Variants in HIPK2 observed in about 807,000 individuals in gnomAD.
HIPK2 encodes the protein homeodomain interacting protein kinase 2.
HIPK2 carries 27 observed loss-of-function variants against 113.7 expected under a neutral mutation model. The ratio of observed to expected loss-of-function variants is 0.24; its 90% CI spans 0.17 to 0.33. The LOEUF is 0.33. Among genes scored for constraint, HIPK2 ranks in the 10% least tolerant of loss-of-function variants. HIPK2 has a pLI of 1.00. For missense variants in HIPK2, 1,257 were observed against 1,588.0 expected, an observed-to-expected ratio of 0.79 and a Z score of 3.54; for synonymous variants, 631 against 642.2, an observed-to-expected ratio of 0.98 and a Z score of 0.26.
chr7:139,608,590 G>A (rs1382991831), intron 9 of HIPK2, among the ~76,000 whole-genome samples: 1 of 152,124 alleles, frequency 6.6e-6, no homozygotes, highest in Admixed American at 6.6e-5. Context: ...CCATCTGAAT[G>A]TGGGCAACCT....
intron 7 of HIPK2, among the ~76,000 whole-genome samples, chr7:139,619,894 G>C (rs1569455932): frequency 6.6e-6 from 1 of 152,084 alleles, no homozygotes; most frequent in East Asian, 1.9e-4. Context: ...CTGAGTAGCT[G>C]AGACTATAGG....
rs927098211 is a variant in HIPK2, at chr7:139,566,750, A to T, written c.*6177T>A. On this transcript the variant is annotated 3_prime_UTR_variant, in exon 15 of 15. Transcript: ENST00000406875. This position sits in a 1 kb window ranked among gnomAD's most constrained non-coding sequence, Gnocchi z 4.1. ...CCGGGAGTCATGAAAGCATTCAACAAATGTTGGCTATTATTTACTTGAGAG... is the reference window on the plus strand; with the variant it reads ...CCGGGAGTCATGAAAGCATTCAACATATGTTGGCTATTATTTACTTGAGAG... 2.0e-5 allele frequency: 3 copies of T among 152,208 alleles called. No individual in the cohort carries two copies. The highest frequency in any genetic ancestry group is 4.8e-5 in the African/African-American group (2 of 41,452). 9.4% of individuals were successfully genotyped at this position (152,208 alleles called of 1,614,324 possible).
At chr7:139,596,630 A>G (rs975807117) in intron 12 of HIPK2, 87 bp downstream of exon 12, 4 of 1,519,954 alleles carry the variant, frequency 2.6e-6, no homozygotes, top group Admixed American at 3.5e-5. Flanking sequence ...AGGGATCCTT[A>G]TGTTTGATGA....
intron 12 of HIPK2, among the ~76,000 whole-genome samples, chr7:139,592,491 C>T (rs915494650): frequency 3.3e-5 from 5 of 152,316 alleles, no homozygotes; most frequent in African/African-American, 9.6e-5. Flanking sequence ...AATCCCAGCA[C>T]TTTGGGAGGC....
At chr7:139,589,298 G>GA (rs1798938554) in intron 12 of HIPK2, among the ~76,000 whole-genome samples, 1 of 151,948 alleles carries the variant, frequency 6.6e-6, no homozygotes, top group African/African-American at 2.4e-5. Flanking sequence ...ATCTGGAGAG[G>GA]AAAGAGATCC....
chr7:139,630,680 G>A lies in HIPK2; in HGVS notation c.1347+485C>T, dbSNP rs551501641. On this transcript the variant is annotated intron_variant, in intron 4 of 14. Transcript: ENST00000406875. The surrounding 1 kb of genome is among the most constrained non-coding windows in gnomAD (Gnocchi z 4.0). ...CCCGAAGTGCTGGGATTACAGGCGT[G>A]AGCCACCACGCTCCCTCTTCATTCT... Among the ~76,000 whole-genome samples the A allele has an allele frequency of 7.9e-5, 12 of 152,338 alleles. No individual in the cohort carries two copies. The highest frequency in any genetic ancestry group is 6.2e-4 in the South Asian group (3 of 4,826).
intron 2 of HIPK2, among the ~76,000 whole-genome samples, chr7:139,681,245 T>C (rs190813237): frequency 6.6e-6 from 1 of 152,354 alleles, no homozygotes; most frequent in East Asian, 1.9e-4. Context: ...TTTTAGCTTT[T>C]CATTCTTTTT....
At chr7:139,688,227 G>A (rs899465654) in intron 2 of HIPK2, among the ~76,000 whole-genome samples, 26 of 152,214 alleles carry the variant, frequency 1.7e-4, no homozygotes, top group Non-Finnish European at 7.3e-5. Flanking sequence ...TCGTGACCAC[G>A]TGAATCTGGA....
intron 10 of HIPK2, among the ~76,000 whole-genome samples, chr7:139,603,459 G>T (rs1460266747): frequency 6.6e-6 from 1 of 152,168 alleles, no homozygotes; most frequent in Non-Finnish European, 1.5e-5. Flanking sequence ...GGAAACAGAT[G>T]CAGGGGGTAT....
intron 2 of HIPK2, among the ~76,000 whole-genome samples, chr7:139,658,525 AG>A (rs1278272821): frequency 6.6e-6 from 1 of 152,218 alleles, no homozygotes; most frequent in Non-Finnish European, 1.5e-5. Context: ...GGAAAGCGAA[AG>A]CAAAATTTTC....
intron 2 of HIPK2, among the ~76,000 whole-genome samples, chr7:139,667,072 A>AC (rs1267670556): frequency 2.0e-5 from 3 of 151,958 alleles, no homozygotes; most frequent in African/African-American, 4.8e-5. Flanking sequence ...CTTAAAAAAA[A>AC]AAAACAAAAC....
intron 1 of HIPK2, among the ~76,000 whole-genome samples, chr7:139,772,172 T>C (rs548531089): frequency 1.3e-5 from 2 of 152,332 alleles, no homozygotes; most frequent in Admixed American, 6.5e-5. Context: ...AATGATCTGC[T>C]CTGGGTAAGT....
At chr7:139,605,009 C>G (rs1247185772) in intron 9 of HIPK2, among the ~76,000 whole-genome samples, 1 of 152,142 alleles carries the variant, frequency 6.6e-6, no homozygotes, top group Non-Finnish European at 1.5e-5. Flanking sequence ...CTTGTGTTAT[C>G]TTCTGAATCT....
chr7:139,725,255 G>A (rs1007959717), intron 1 of HIPK2, among the ~76,000 whole-genome samples: 1 of 152,196 alleles, frequency 6.6e-6, no homozygotes, highest in African/African-American at 2.4e-5. Flanking sequence ...AGAGGCAGGA[G>A]TCACTATGCA....
At chr7:139,625,424 C>T (rs1800393249) in intron 6 of HIPK2, among the ~76,000 whole-genome samples, 5 of 152,232 alleles carry the variant, frequency 3.3e-5, no homozygotes, top group Admixed American at 2.6e-4. Context: ...ACAGATCTAA[C>T]CAGCTATTCC....
chr7:139,716,448 G>A lies in HIPK2; in HGVS notation c.587C>T (p.Thr196Ile). Residue 196 changes from threonine (T) to isoleucine (I), a missense_variant, in exon 2 of 15, where the codon ACC becomes ATC. Physicochemically the swap from Thr to Ile is moderately conservative, Grantham distance 89 (BLOSUM62 -1). Coordinates refer to ENST00000406875, the MANE Select transcript of HIPK2 (RefSeq NM_022740.5). The surrounding 1 kb of genome is among the most constrained non-coding windows in gnomAD (Gnocchi z 9.3). ...GAACTCTAAGACCTCGTAGGTGTTGGTCATGGAGCACAGCACCTCATGCTG... is the reference window on the plus strand; with the variant it reads ...GAACTCTAAGACCTCGTAGGTGTTGATCATGGAGCACAGCACCTCATGCTG... ...LVQHEVLCSM[T>I]NTYEVLEFLG... 2 of 1,613,988 alleles carry A rather than the reference G, an allele frequency of 1.2e-6. No homozygotes were observed. The highest frequency in any genetic ancestry group is 8.5e-7 in the Non-Finnish European group (1 of 1,179,884).
chr7:139,579,408 G>C (rs931274826), intron 13 of HIPK2, among the ~76,000 whole-genome samples: 1 of 152,166 alleles, frequency 6.6e-6, no homozygotes, highest in Admixed American at 6.5e-5. Flanking sequence ...TGTAAAAGGA[G>C]AGAATCTGGT....
At chr7:139,772,969 T>G (rs917464245) in intron 1 of HIPK2, among the ~76,000 whole-genome samples, 6 of 151,720 alleles carry the variant, frequency 4.0e-5, no homozygotes, top group African/African-American at 1.2e-4. Flanking sequence ...AAGAAAAAAT[T>G]CCATCTTGAA....
At chr7:139,594,317 G>A (rs1367916704) in intron 12 of HIPK2, among the ~76,000 whole-genome samples, 1 of 152,158 alleles carries the variant, frequency 6.6e-6, no homozygotes, top group Non-Finnish European at 1.5e-5. Flanking sequence ...ACCTCATGAG[G>A]ACACAAACTG....
Sources: gnomAD v4.1 joint callset for allele counts (sites outside exome capture counted in the v4.1 genomes callset) on GRCh38, gnomAD v4.1.1 for gene constraint, Gnocchi (gnomAD v3.1) non-coding constraint, MANE v1.5 for transcripts, NCBI Gene and HGNC (gene_info 2026-07-23, HGNC 2026-07-21) for gene names.